The following PCYT1A variants were observed in gnomAD, a reference collection of about 807,000 sequenced individuals.
PCYT1A encodes the protein phosphate cytidylyltransferase 1A, choline.
A neutral mutation model predicts 43.7 loss-of-function variants in PCYT1A; 25 were observed. The ratio of observed to expected loss-of-function variants is 0.57; its 90% CI spans 0.42 to 0.80. The LOEUF (loss-of-function observed/expected upper bound fraction) is 0.80, where lower values mean the gene tolerates loss of function less well. Among genes scored for constraint, PCYT1A ranks in the 30% least tolerant of loss-of-function variants. PCYT1A has a pLI of 0.00. For synonymous variants in PCYT1A, 172 were observed against 170.7 expected (o/e 1.01, Z -0.06); for missense variants, 421 against 474.2 (o/e 0.89, Z 1.04).
At position 196,250,268 on chromosome 3, in the gene PCYT1A, A is replaced by G. The variant is rs541478419; in HGVS notation, c.218-1945T>C. ...ACACCATGCCGAGGCTGAGGACCAG[A>G]TACACCATGCCGAGGCGAGGACCAG... On this transcript the variant is annotated intron_variant, in intron 3 of 8. Coordinates refer to ENST00000431016, the MANE Select transcript of PCYT1A (RefSeq NM_001312673.2). Among the ~76,000 whole-genome samples, 125 of 147,724 alleles carry G rather than the reference A, an allele frequency of 8.5e-4. 2 individuals are homozygous for G. The highest frequency in any genetic ancestry group is 4.6e-3 in the South Asian group (21 of 4,518).
intron 5 of PCYT1A, among the ~76,000 whole-genome samples, chr3:196,246,569 G>C (rs1186306011): frequency 6.6e-6 from 1 of 152,160 alleles, no homozygotes. Flanking sequence ...AGAATTAAAA[G>C]GAGGTAAGGG....
At position 196,242,359 on chromosome 3, in the gene PCYT1A, T is replaced by C. The variant is rs1423476058; in HGVS notation, c.565+203A>G. ...AAGAGAGATATCCAAAGTAGATGTT[T>C]AGACCAAGAATTGATGGATGTCATG... On this transcript the variant is annotated intron_variant, in intron 6 of 8. Coordinates refer to ENST00000431016, the MANE Select transcript of PCYT1A (RefSeq NM_001312673.2). This position sits in a 1 kb window ranked among gnomAD's most constrained non-coding sequence, Gnocchi z 4.2. 1.4e-6 allele frequency: 1 copy of C among 698,860 alleles called. No individual in the cohort carries two copies. Among genetic ancestry groups the C allele is most frequent in the African/African-American group, 1.8e-5 (1 of 56,964 alleles). 43.3% of individuals were successfully genotyped at this position (698,860 alleles called of 1,614,324 possible).
chr3:196,273,284 T>A lies in PCYT1A; in HGVS notation c.-10-2743A>T, dbSNP rs753560612. Among the ~76,000 whole-genome samples the A allele has an allele frequency of 1.1e-4, 16 of 152,196 alleles. No individual in the cohort carries two copies. Among genetic ancestry groups the A allele is most frequent in the Admixed American group, 2.6e-4 (4 of 15,276 alleles). The stretch of plus-strand genomic sequence containing the variant: ...TCCCAAAGGGCTACAGCTCTTCTCT[T>A]TCTCTCTCCTCTCTTCTCTCTTTCT... On this transcript the variant is annotated intron_variant, in intron 1 of 8. Coordinates refer to ENST00000431016, the MANE Select transcript of PCYT1A (RefSeq NM_001312673.2). This position sits in a 1 kb window ranked among gnomAD's most constrained non-coding sequence, Gnocchi z 4.1.
intron 2 of PCYT1A, chr3:196,267,198 AT>A: frequency 1.2e-5 from 4 of 328,286 alleles, no homozygotes; most frequent in South Asian, 2.5e-5. Flanking sequence ...AAAAAAAAAA[AT>A]TAAGTACTTG....
Position 196,237,593 on chromosome 3 carries a change from G to A in PCYT1A, c.*1095C>T, listed in dbSNP as rs929938095. 1 of 152,258 alleles carries A rather than the reference G, an allele frequency of 6.6e-6. No individual in the cohort carries two copies. Among genetic ancestry groups the A allele is most frequent in the Admixed American group, 6.5e-5 (1 of 15,288 alleles). The allele number at this position is 152,258 out of a possible 1,614,324, so 9.4% of individuals were successfully genotyped here. A position where few individuals can be genotyped will look rare whatever the true frequency, so the allele number is the denominator to read the frequency against. ...TGTTCTGAAGAGGGACAGAGGTCAAGGTGATAAGGCTGTTGCTTTAGAAAG... is the reference window on the plus strand; with the variant it reads ...TGTTCTGAAGAGGGACAGAGGTCAAAGTGATAAGGCTGTTGCTTTAGAAAG... On this transcript the variant is annotated 3_prime_UTR_variant, in exon 9 of 9. Transcript: ENST00000431016.
At chr3:196,257,977 T>A in intron 2 of PCYT1A, 90 bp from the exon 3 acceptor site, 1 of 712,618 alleles carries the variant, frequency 1.4e-6, no homozygotes, top group Non-Finnish European at 2.4e-6. Flanking sequence ...GAAAGGAGAT[T>A]GATCTCTCTA....
intron 1 of PCYT1A, among the ~76,000 whole-genome samples, chr3:196,272,179 C>T (rs1376878215): frequency 1.1e-5 from 1 of 87,024 alleles, no homozygotes; most frequent in Non-Finnish European, 2.2e-5. Flanking sequence ...ATGTCCTTCT[C>T]CTTCTTTCCT....
At chr3:196,263,070 G>A (rs1024168892) in intron 2 of PCYT1A, among the ~76,000 whole-genome samples, 4 of 152,124 alleles carry the variant, frequency 2.6e-5, no homozygotes, top group Admixed American at 2.6e-4. Context: ...TGGGATTACA[G>A]GCGTGAGCCA....
In PCYT1A at chr3:196,236,618, T is replaced by C. The variant is rs1387146155; in HGVS notation, c.*2070A>G. 6.6e-6 allele frequency: 1 copy of C among 152,180 alleles called. No homozygotes were observed. Among genetic ancestry groups the C allele is most frequent in the East Asian group, 1.9e-4 (1 of 5,192 alleles). 9.4% of individuals were successfully genotyped at this position (152,180 alleles called of 1,614,324 possible). Reference sequence around the variant, plus strand: ...ACGCTCTTTCTGGGTGATCCAAGTTTTGTTTTTTTTCTAGTTGATTATTTC... The same window carrying C: ...ACGCTCTTTCTGGGTGATCCAAGTTCTGTTTTTTTTCTAGTTGATTATTTC... On this transcript the variant is annotated 3_prime_UTR_variant, in exon 9 of 9. Coordinates refer to ENST00000431016, the MANE Select transcript of PCYT1A (RefSeq NM_001312673.2).
chr3:196,242,387 C>A lies in PCYT1A; in HGVS notation c.565+175G>T. On this transcript the variant is annotated intron_variant, in intron 6 of 8. Coordinates refer to ENST00000431016, the MANE Select transcript of PCYT1A (RefSeq NM_001312673.2). This position sits in a 1 kb window ranked among gnomAD's most constrained non-coding sequence, Gnocchi z 4.2. Reference sequence around the variant, plus strand: ...ACCAAGAATTGATGGATGTCATGAACTGACGACAAAGAATTGATGGGTGCT... The same window carrying A: ...ACCAAGAATTGATGGATGTCATGAAATGACGACAAAGAATTGATGGGTGCT... 1 of 713,490 alleles carries A rather than the reference C, an allele frequency of 1.4e-6. No homozygotes were observed. Among genetic ancestry groups the A allele is most frequent in the Non-Finnish European group, 2.6e-6 (1 of 385,038 alleles). The allele number at this position is 713,490 out of a possible 1,614,324, so 44.2% of individuals were successfully genotyped here. A position where few individuals can be genotyped will look rare whatever the true frequency, so the allele number is the denominator to read the frequency against.
At chr3:196,281,767 G>C (rs1725778122) in intron 1 of PCYT1A, among the ~76,000 whole-genome samples, 1 of 152,154 alleles carries the variant, frequency 6.6e-6, no homozygotes, top group Non-Finnish European at 1.5e-5. Context: ...GTGCAATCAT[G>C]GCTCACTGCA....
At chr3:196,266,908 C>T (rs887363719) in intron 2 of PCYT1A, among the ~76,000 whole-genome samples, 5 of 151,920 alleles carry the variant, frequency 3.3e-5, no homozygotes, top group Non-Finnish European at 5.9e-5. Flanking sequence ...CGGTGGCTCA[C>T]GCCTATAATC....
At chr3:196,274,886 A>G (rs1333553858) in intron 1 of PCYT1A, among the ~76,000 whole-genome samples, 1 of 152,172 alleles carries the variant, frequency 6.6e-6, no homozygotes, top group Non-Finnish European at 1.5e-5. Context: ...CACAAATGCA[A>G]ATTAAAATGG....
intron 2 of PCYT1A, among the ~76,000 whole-genome samples, chr3:196,263,271 G>A (rs1725169489): frequency 6.6e-6 from 1 of 152,066 alleles, no homozygotes; most frequent in African/African-American, 2.4e-5. Flanking sequence ...TTGGAATGCA[G>A]CAGTGCGATC....
chr3:196,267,490 G>T, intron 2 of PCYT1A: 1 of 343,226 alleles, frequency 2.9e-6, no homozygotes, highest in Non-Finnish European at 5.9e-6. Flanking sequence ...TGAGGCAGGA[G>T]AATCGCTTGA....
chr3:196,266,353 G>T (rs1039890930), intron 2 of PCYT1A, among the ~76,000 whole-genome samples: 1 of 151,682 alleles, frequency 6.6e-6, no homozygotes, highest in African/African-American at 2.4e-5. Context: ...GGCGCCTGTA[G>T]TCCCAGCCAC....
Position 196,241,103 on chromosome 3 carries a change from G to C in PCYT1A, c.708+845C>G, listed in dbSNP as rs185770679. On this transcript the variant is annotated intron_variant, in intron 7 of 8. Transcript: ENST00000431016. ...GAGGCCAGGAGTTTGAGACCAGCCTGGCAAACATGGCAAAACCCCATCTCT... is the reference window on the plus strand; with the variant it reads ...GAGGCCAGGAGTTTGAGACCAGCCTCGCAAACATGGCAAAACCCCATCTCT... Among the ~76,000 whole-genome samples the C allele has an allele frequency of 4.1e-3, 548 of 133,724 alleles. 1 individual carries two copies. Among genetic ancestry groups the C allele is most frequent in the African/African-American group, 0.014 (518 of 36,012 alleles). The allele number at this position is 133,724 out of a possible 152,430, so 87.7% of individuals were successfully genotyped here. A position where few individuals can be genotyped will look rare whatever the true frequency, so the allele number is the denominator to read the frequency against.
intron 2 of PCYT1A, among the ~76,000 whole-genome samples, chr3:196,269,947 C>T (rs1343236116): frequency 6.6e-6 from 1 of 152,120 alleles, no homozygotes; most frequent in Non-Finnish European, 1.5e-5. Context: ...AATCTCGGCT[C>T]ACCGCATCCT....
intron 2 of PCYT1A, among the ~76,000 whole-genome samples, chr3:196,266,417 G>A (rs1446412713): frequency 1.3e-5 from 2 of 151,898 alleles, no homozygotes; most frequent in African/African-American, 4.8e-5. Flanking sequence ...AGCTTGCAGT[G>A]AGCCGAGATC....
Sources: allele counts gnomAD v4.1 joint callset (sites outside exome capture counted in the v4.1 genomes callset), GRCh38; gene constraint gnomAD v4.1.1; non-coding constraint Gnocchi (gnomAD v3.1); transcripts MANE v1.5; gene names NCBI Gene and HGNC (gene_info 2026-07-23, HGNC 2026-07-21).